RASGEF1B: variants seen among roughly 807,000 people sequenced by gnomAD.
The protein encoded by RASGEF1B is RasGEF domain family member 1B.
A neutral mutation model predicts 65.7 loss-of-function variants in RASGEF1B; 30 were observed. The ratio of observed to expected loss-of-function variants is 0.46; its 90% CI spans 0.34 to 0.62. The LOEUF is 0.62. Ranked by LOEUF, RASGEF1B falls within the 20% of genes least tolerant of loss-of-function variation. RASGEF1B has a pLI of 0.01. For synonymous variants in RASGEF1B, 175 were observed against 194.8 expected, an observed-to-expected ratio of 0.90 and a Z score of 0.85; for missense variants, 495 against 580.1, an observed-to-expected ratio of 0.85 and a Z score of 1.51.
intron 12 of RASGEF1B, among the ~76,000 whole-genome samples, chr4:81,433,140 G>A (rs2109965795): frequency 6.6e-6 from 1 of 151,800 alleles, no homozygotes; most frequent in South Asian, 2.1e-4. Flanking sequence ...AAGGTGAGAG[G>A]ATTGCTTGAG....
intron 4 of RASGEF1B, chr4:81,453,976 A>G (rs1027441797): frequency 6.6e-6 from 1 of 152,258 alleles, no homozygotes; most frequent in African/African-American, 2.4e-5. Flanking sequence ...CAACCCGATC[A>G]AGGCAGGTGA....
Position 81,427,731 on chromosome 4 carries a change from G to A in RASGEF1B, c.*37C>T, listed in dbSNP as rs766263792. ...AGGCCAGCCCCTCCATGATCTGCAG[G>A]AAGCAGCAGCAGCAGCAGGCAGGCA... On this transcript the variant is annotated 3_prime_UTR_variant, in exon 14 of 14. Transcript: ENST00000264400. 7 of 1,613,116 alleles carry A rather than the reference G, an allele frequency of 4.3e-6. No individual in the cohort carries two copies. In the Admixed American group the frequency reaches 1.2e-4, roughly 27 times the overall value.
At chr4:81,447,402 T>C (rs781766166) in intron 6 of RASGEF1B, 102 bp downstream of exon 6, 48 of 868,128 alleles carry the variant, frequency 5.5e-5, no homozygotes, top group African/African-American at 2.2e-4. Context: ...TTTTAAAATC[T>C]ACAACAGAAT....
intron 2 of RASGEF1B, among the ~76,000 whole-genome samples, chr4:81,458,453 T>A (rs1722527752): frequency 6.6e-6 from 1 of 152,194 alleles, no homozygotes; most frequent in African/African-American, 2.4e-5. Context: ...CACAGAGAGA[T>A]AACTCAGTAA....
At chr4:81,445,044 T>C (rs1721970340) in intron 8 of RASGEF1B, among the ~76,000 whole-genome samples, 1 of 152,202 alleles carries the variant, frequency 6.6e-6, no homozygotes, top group Non-Finnish European at 1.5e-5. Flanking sequence ...ACATGGTCTC[T>C]GATGTTAAAA....
At chr4:81,465,007 C>T (rs1473113673) in intron 1 of RASGEF1B, among the ~76,000 whole-genome samples, 2 of 151,332 alleles carry the variant, frequency 1.3e-5, no homozygotes, top group Admixed American at 6.6e-5. Flanking sequence ...TCGCTTGACC[C>T]TGGGAAGCGG....
At chr4:81,437,232 G>A (rs946214239) in intron 10 of RASGEF1B, among the ~76,000 whole-genome samples, 2 of 152,056 alleles carry the variant, frequency 1.3e-5, no homozygotes, top group African/African-American at 4.8e-5. Context: ...CATTTGTTAA[G>A]TAGCTAAAAA....
intron 6 of RASGEF1B, among the ~76,000 whole-genome samples, chr4:81,446,679 C>A (rs1722034349): frequency 6.6e-6 from 1 of 152,134 alleles, no homozygotes; most frequent in African/African-American, 2.4e-5. Context: ...GGGTGAGTAA[C>A]ACATTGTTCA....
At chr4:81,448,390 AT>A in intron 4 of RASGEF1B, 106 bp from the exon 5 acceptor site, 1 of 983,870 alleles carries the variant, frequency 1.0e-6, no homozygotes, top group East Asian at 2.5e-5. Flanking sequence ...ACATTGGAGA[AT>A]AAACTTGGTT....
intron 11 of RASGEF1B, 146 bp from the exon 12 acceptor site, chr4:81,434,109 G>A: frequency 1.4e-6 from 1 of 690,636 alleles, no homozygotes. Context: ...GAGTGCAGTG[G>A]TGCAATCATA....
At chr4:81,435,303 C>CGTGG (rs1721575738) in intron 10 of RASGEF1B, among the ~76,000 whole-genome samples, 6 of 148,694 alleles carry the variant, frequency 4.0e-5, no homozygotes, top group Admixed American at 4.0e-4. Context: ...CCCAGCTACT[C>CGTGG]GGGAGGCTGA....
At chr4:81,463,669 G>T (rs954575174) in intron 1 of RASGEF1B, among the ~76,000 whole-genome samples, 1 of 152,152 alleles carries the variant, frequency 6.6e-6, no homozygotes, top group Non-Finnish European at 1.5e-5. Flanking sequence ...CAGCAGAATG[G>T]TACAGAAAGT....
At chr4:81,440,252 A>G (rs1721789455) in intron 10 of RASGEF1B, among the ~76,000 whole-genome samples, 5 of 152,216 alleles carry the variant, frequency 3.3e-5, no homozygotes. Flanking sequence ...CCTCAGAATC[A>G]AGAATATGGT....
rs751174292 is a variant in RASGEF1B at position 81,433,859 on chromosome 4, T to C, written c.1305A>G (p.Val435=). Residue 435 remains valine, a synonymous_variant, in exon 12 of 14, where the codon GTA becomes GTG. Coordinates refer to ENST00000264400, the MANE Select transcript of RASGEF1B (RefSeq NM_152545.3). ...CCTTACCATCTTCACTGAAGACTGG[T>C]ACTGTGAGCAGATACTGCAAGATCT... ...DRKILQYLLT[V]PVFSEDALYL... 3 of 1,614,062 alleles carry C rather than the reference T, an allele frequency of 1.9e-6. No homozygotes were observed. Among genetic ancestry groups the C allele is most frequent in the South Asian group, 1.1e-5 (1 of 91,084 alleles).
At chr4:81,456,271 A>G in intron 4 of RASGEF1B, 1 of 549,958 alleles carries the variant, frequency 1.8e-6, no homozygotes, top group Admixed American at 3.6e-5. Flanking sequence ...GAATAATGTT[A>G]TTTACTTTGT....
At chr4:81,462,445 G>A (rs556807376) in intron 1 of RASGEF1B, among the ~76,000 whole-genome samples, 53 of 152,180 alleles carry the variant, frequency 3.5e-4, no homozygotes, top group Non-Finnish European at 7.2e-4. Context: ...TCAACTGTAA[G>A]AACAGAGTTA....
At chr4:81,463,512 A>C (rs1054038098) in intron 1 of RASGEF1B, among the ~76,000 whole-genome samples, 1 of 152,212 alleles carries the variant, frequency 6.6e-6, no homozygotes, top group Non-Finnish European at 1.5e-5. Flanking sequence ...AAAAAAATTT[A>C]ATGAAAGAAA....
chr4:81,447,121 G>A (rs895613065), intron 6 of RASGEF1B, among the ~76,000 whole-genome samples: 1 of 152,192 alleles, frequency 6.6e-6, no homozygotes, highest in African/African-American at 2.4e-5. Flanking sequence ...TGTGCATCCT[G>A]TCTTTCCTGC....
chr4:81,466,791 A>AAAGAAAGAAAGT, intron 1 of RASGEF1B, among the ~76,000 whole-genome samples: 1 of 147,496 alleles, frequency 6.8e-6, no homozygotes, highest in Non-Finnish European at 1.5e-5. Flanking sequence ...AGAAAGAAAG[A>AAAGAAAGAAAGT]AAGAAAGAAA....
Sources: allele counts gnomAD v4.1 joint callset (sites outside exome capture counted in the v4.1 genomes callset), GRCh38; gene constraint gnomAD v4.1.1; transcripts MANE v1.5; gene names NCBI Gene and HGNC (gene_info 2026-07-23, HGNC 2026-07-21).